The following KRT84 variants were observed in gnomAD, a reference collection of about 807,000 sequenced individuals.
The protein encoded by KRT84 is keratin 84.
A neutral mutation model predicts 49.0 loss-of-function variants in KRT84; 38 were observed. That is an observed-to-expected ratio of 0.78 (90% CI 0.60 to 1.02). The LOEUF (loss-of-function observed/expected upper bound fraction) is 1.02, where lower values mean the gene tolerates loss of function less well. Among genes scored for constraint, KRT84 ranks in the 50% least tolerant of loss-of-function variants. The pLI is 0.00. For missense variants in KRT84, 860 were observed against 788.6 expected, an observed-to-expected ratio of 1.09 and a Z score of -1.08; for synonymous variants, 334 against 312.8, an observed-to-expected ratio of 1.07 and a Z score of -0.72.
At position 52,381,383 on chromosome 12, in the gene KRT84, G is replaced by A. The variant is rs139009727; in HGVS notation, c.1055C>T (p.Ala352Val). 1.3e-3 allele frequency: 2,040 copies of A among 1,614,186 alleles called. 6 individuals are homozygous for A. Among genetic ancestry groups the A allele is most frequent in the Admixed American group, 2.0e-3 (120 of 60,024 alleles). Residue 352 changes from alanine to valine, a missense_variant, in exon 5 of 9, where the codon GCT (alanine) becomes GTT (valine). Physicochemically the swap from Ala to Val is moderately conservative, Grantham distance 64 (BLOSUM62 0). Coordinates refer to ENST00000257951, the MANE Select transcript of KRT84 (RefSeq NM_033045.4). ...CACCTTGGTCTGGTACCAGGCCTCA[G>A]CATCAGCCCGGCTGCGCCTGGCCAC... ...EEVARRSRAD[A>V]EAWYQTKYEE...
At chr12:52,381,605 G>T in intron 4 of KRT84, 80 bp from the exon 5 acceptor site, 1 of 1,407,464 alleles carries the variant, frequency 7.1e-7, no homozygotes, top group Non-Finnish European at 9.9e-7. Context: ...GGCCCAGGAA[G>T]TGGTGCCAGG....
Position 52,385,296 on chromosome 12 carries a change from G to C in KRT84, c.290C>G (p.Pro97Arg). Residue 97 changes from proline (P) to arginine (R), a missense_variant, in exon 1 of 9, where the codon CCT becomes CGT. By Grantham distance (103) the Pro-to-Arg change is moderately radical (BLOSUM62 -2). Transcript: ENST00000257951. ...FGDGRGVGLG[P>R]RADSCVGLGF... The stretch of plus-strand genomic sequence containing the variant: ...CAGACCAACACAGCTGTCAGCCCTA[G>C]GCCCCAGACCAACACCTCTCCCATC... 6.2e-7 allele frequency: 1 copy of C among 1,614,050 alleles called. No individual in the cohort carries two copies. The highest frequency in any genetic ancestry group is 8.5e-7 in the Non-Finnish European group (1 of 1,180,006).
At position 52,380,485 on chromosome 12, in the gene KRT84, C is replaced by A. The variant is rs560401105; in HGVS notation, c.1302G>T (p.Leu434=). 4.3e-6 allele frequency: 7 copies of A among 1,613,928 alleles called. No homozygotes were observed. The East Asian group carries it at 1.6e-4, about 36-fold the overall frequency. Residue 434 remains leucine (L), a synonymous_variant, in exon 7 of 9, where the codon CTG becomes CTT. Transcript: ENST00000257951. Reference sequence around the variant, plus strand: ...GCGCCATGTCCTGCTTGGCCTGCTGCAGGGCACACTCCAGATCTGCCAGCT... The same window carrying A: ...GCGCCATGTCCTGCTTGGCCTGCTGAAGGGCACACTCCAGATCTGCCAGCT... ...KCKLADLECA[L]QQAKQDMARQ...
At chr12:52,383,458 C>T in intron 2 of KRT84, 132 bp downstream of exon 2, 1 of 627,352 alleles carries the variant, frequency 1.6e-6, no homozygotes, top group Non-Finnish European at 2.7e-6. Context: ...TACCCACCCC[C>T]ACCTCCCCAG....
chr12:52,383,144 A>G (rs557528851), intron 2 of KRT84, 79 bp from the exon 3 acceptor site: 1 of 1,157,750 alleles, frequency 8.6e-7, no homozygotes, highest in Non-Finnish European at 1.3e-6. Flanking sequence ...TGAACCTTGC[A>G]AGATCTCTCA....
rs751052503 is a variant in KRT84, at chr12:52,381,355, G to A, written c.1077+6C>T. 2.5e-6 allele frequency: 4 copies of A among 1,614,024 alleles called. No homozygotes were observed. The highest frequency in any genetic ancestry group is 1.3e-5 in the African/African-American group (1 of 74,924). On this transcript the variant is annotated splice_donor_region_variant and intron_variant, in intron 5 of 8. Coordinates refer to ENST00000257951, the MANE Select transcript of KRT84 (RefSeq NM_033045.4). ...CTACATCCCTTCCCCAGCCTCCACTGCCCACCTTGGTCTGGTACCAGGCCT... is the reference window on the plus strand; with the variant it reads ...CTACATCCCTTCCCCAGCCTCCACTACCCACCTTGGTCTGGTACCAGGCCT...
At chr12:52,381,032 G>T in intron 6 of KRT84, 48 bp downstream of exon 6, 3 of 1,601,318 alleles carry the variant, frequency 1.9e-6, no homozygotes, top group South Asian at 1.1e-5. Context: ...AAAGCCTGAG[G>T]CCCTGGTTCT....
intron 1 of KRT84, among the ~76,000 whole-genome samples, chr12:52,384,355 C>A (rs973624482): frequency 2.0e-5 from 3 of 152,184 alleles, no homozygotes; most frequent in Admixed American, 2.0e-4. Context: ...ATCCTTCATT[C>A]TCAGACATAA....
chr12:52,384,781 G>A (rs567493371), intron 1 of KRT84, among the ~76,000 whole-genome samples: 2 of 152,156 alleles, frequency 1.3e-5, no homozygotes, highest in Non-Finnish European at 2.9e-5. Flanking sequence ...CCTCGAGTTT[G>A]GCTGGATGCT....
At position 52,378,307 on chromosome 12, in the gene KRT84, G is replaced by C. The variant is rs550159082; in HGVS notation, c.1530C>G (p.Gly510=). 4.5e-6 allele frequency: 7 copies of C among 1,538,904 alleles called. No individual in the cohort carries two copies. Among genetic ancestry groups the C allele is most frequent in the Non-Finnish European group, 6.1e-6 (7 of 1,144,836 alleles). Residue 510 remains glycine, a synonymous_variant, in exon 9 of 9, where the codon GGC becomes GGG. Coordinates refer to ENST00000257951, the MANE Select transcript of KRT84 (RefSeq NM_033045.4). Reference sequence around the variant, plus strand: ...TGCTGCTACCTGAGAAGGTGACCCCGCCGCGGGAGAGGGTGGAGCCGGCAA... The same window carrying C: ...TGCTGCTACCTGAGAAGGTGACCCCCCCGCGGGAGAGGGTGGAGCCGGCAA... ...PLVAGSTLSR[G]GVTFSGSSSV...
Position 52,377,968 on chromosome 12 carries a change from T to C in KRT84, c.*66A>G. On this transcript the variant is annotated 3_prime_UTR_variant, in exon 9 of 9. Transcript: ENST00000257951. ...CGTCAAGCCCAGAGCCCACGAACCCTGGGGGCAGAAGCAGGAGCCGTGGAG... is the reference window on the plus strand; with the variant it reads ...CGTCAAGCCCAGAGCCCACGAACCCCGGGGGCAGAAGCAGGAGCCGTGGAG... 7.8e-7 allele frequency: 1 copy of C among 1,278,732 alleles called. No homozygotes were observed. The highest frequency in any genetic ancestry group is 1.0e-6 in the Non-Finnish European group (1 of 973,792). The allele number at this position is 1,278,732 out of a possible 1,614,324, so 79.2% of individuals were successfully genotyped here.
Position 52,381,083 on chromosome 12 carries a change from A to G in KRT84, c.1200T>C (p.Ala400=). 1 of 1,613,358 alleles carries G rather than the reference A, an allele frequency of 6.2e-7. No homozygotes were observed. Among genetic ancestry groups the G allele is most frequent in the South Asian group, 1.1e-5 (1 of 91,002 alleles). The stretch of plus-strand genomic sequence containing the variant: ...TTCCCTCCTTTCCTTTGCCCACCTG[A>G]GCCTTGGCGTGCTCAATCTCTGCCT... ...RLKAEIEHAK[A]QRAKLEAAVA... The change falls in exon 6 of 9, where the codon GCT becomes GCC. Residue 400 remains alanine (A), a synonymous_variant. Coordinates refer to ENST00000257951, the MANE Select transcript of KRT84 (RefSeq NM_033045.4).
chr12:52,378,094 GC>G lies in KRT84; in HGVS notation c.1742del (p.Gly581AlafsTer64), dbSNP rs1939416205. 1 of 1,503,068 alleles carries G rather than the reference GC, an allele frequency of 6.7e-7. No homozygotes were observed. Among genetic ancestry groups the G allele is most frequent in the Admixed American group, 2.4e-5 (1 of 41,988 alleles). 93.1% of individuals were successfully genotyped at this position (1,503,068 alleles called of 1,614,324 possible). On this transcript the variant is annotated frameshift_variant, in exon 9 of 9. Coordinates refer to ENST00000257951, the MANE Select transcript of KRT84 (RefSeq NM_033045.4). LOFTEE classifies it high-confidence loss of function. ...CAAAGCGGACGCTGGAGCTGCGGCC[GC>G]CGCTGCAGCTGCTGAAGCCCCCCTG... ...PTQGGFSSCSGGRSSSVRFVS... is the reference protein window; with the variant it reads ...PTQGGFSSCSXGRSSSVRFVS...
At position 52,383,010 on chromosome 12, in the gene KRT84, T is replaced by C; in HGVS notation, c.811A>G (p.Lys271Glu). The change falls in exon 3 of 9, where the codon AAG (lysine) becomes GAG (glutamate). Residue 271 changes from lysine (K) to glutamate (E), a missense_variant. Coordinates refer to ENST00000257951, the MANE Select transcript of KRT84 (RefSeq NM_033045.4). ...ANAENEFVAL[K>E]KDVDAAFMNK... ...GGTCTGTGGTTCCCCCTTACCTTCTTCAGAGCCACAAACTCATTCTCAGCA... is the reference window on the plus strand; with the variant it reads ...GGTCTGTGGTTCCCCCTTACCTTCTCCAGAGCCACAAACTCATTCTCAGCA... 6.2e-7 allele frequency: 1 copy of C among 1,613,752 alleles called. No individual in the cohort carries two copies. The highest frequency in any genetic ancestry group is 8.5e-7 in the Non-Finnish European group (1 of 1,179,818).
At chr12:52,380,981 T>A in intron 6 of KRT84, 99 bp downstream of exon 6, 1 of 1,483,904 alleles carries the variant, frequency 6.7e-7, no homozygotes. Flanking sequence ...GGTTTCTGGG[T>A]CTTGATGGTC....
intron 8 of KRT84, among the ~76,000 whole-genome samples, chr12:52,379,322 T>G (rs1732291): frequency 0.32 from 48,815 of 152,076 alleles, 9,850 homozygotes; most frequent in African/African-American, 0.57. Flanking sequence ...ATCCTTCCAG[T>G]GTTAGGTTGA....
chr12:52,380,987 T>C (rs1350945686), intron 6 of KRT84, 93 bp downstream of exon 6: 84 of 1,503,902 alleles, frequency 5.6e-5, no homozygotes, highest in Non-Finnish European at 7.2e-5. Flanking sequence ...TGGGTCTTGA[T>C]GGTCTCCCTC....
intron 1 of KRT84, 51 bp from the exon 2 acceptor site, chr12:52,383,849 T>C (rs1333713852): frequency 6.8e-7 from 1 of 1,475,730 alleles, no homozygotes; most frequent in Non-Finnish European, 9.3e-7. Context: ...ATAGGGTTCA[T>C]GCCTTGACCA....
At position 52,377,928 on chromosome 12, in the gene KRT84, AG is replaced by A; in HGVS notation, c.*105del. Reference sequence around the variant, plus strand: ...GCTAAGGGGTGGCTTCCTGGCAGAAAGGGGAGCTGGAGACCGTCAAGCCCAG... The same window carrying A: ...GCTAAGGGGTGGCTTCCTGGCAGAAAGGGAGCTGGAGACCGTCAAGCCCAG... On this transcript the variant is annotated 3_prime_UTR_variant, in exon 9 of 9. Transcript: ENST00000257951. The A allele has an allele frequency of 1.2e-6, 1 of 813,780 alleles. No homozygotes were observed. The allele number at this position is 813,780 out of a possible 1,614,324, so 50.4% of individuals were successfully genotyped here. A position where few individuals can be genotyped will look rare whatever the true frequency, so the allele number is the denominator to read the frequency against.
Sources: allele counts gnomAD v4.1 joint callset (sites outside exome capture counted in the v4.1 genomes callset), GRCh38; gene constraint gnomAD v4.1.1; transcripts MANE v1.5; gene names NCBI Gene and HGNC (gene_info 2026-07-23, HGNC 2026-07-21).